The following GLG1 variants were observed in gnomAD, a reference collection of about 807,000 sequenced individuals.
GLG1 encodes Golgi apparatus protein 1.
Under a neutral mutation model 160.5 loss-of-function variants are expected in GLG1, and 38 were observed. That is an observed-to-expected ratio of 0.24 (90% CI 0.18 to 0.31). The LOEUF is 0.31. Among genes scored for constraint, GLG1 ranks in the 10% least tolerant of loss-of-function variants. The pLI, the probability that GLG1 is intolerant of heterozygous loss-of-function variation, is 1.00. For synonymous variants in GLG1, 644 were observed against 543.4 expected, an observed-to-expected ratio of 1.19 and a Z score of -2.57; for missense variants, 1,373 against 1,505.2, an observed-to-expected ratio of 0.91 and a Z score of 1.45.
chr16:74,515,902 G>C (rs1387051617), intron 2 of GLG1, among the ~76,000 whole-genome samples: 1 of 104,216 alleles, frequency 9.6e-6, no homozygotes, highest in Non-Finnish European at 1.9e-5. Flanking sequence ...TGCAATCCTA[G>C]TCTCTGATAA....
intron 11 of GLG1, among the ~76,000 whole-genome samples, chr16:74,479,051 CAAAAAAAA>C (rs34125450): frequency 5.1e-4 from 9 of 17,578 alleles, no homozygotes; most frequent in East Asian, 1.5e-3. Context: ...ATTAAAAATC[CAAAAAAAA>C]AAAAAAAAAA....
At chr16:74,574,576 T>G (rs2018931531) in intron 1 of GLG1, among the ~76,000 whole-genome samples, 1 of 151,564 alleles carries the variant, frequency 6.6e-6, no homozygotes, top group African/African-American at 2.4e-5. Flanking sequence ...GGCAACAAAA[T>G]CAAAATAAAA....
intron 1 of GLG1, among the ~76,000 whole-genome samples, chr16:74,542,778 G>GA (rs1172716623): frequency 3.4e-5 from 5 of 147,410 alleles, no homozygotes; most frequent in East Asian, 2.0e-4. Context: ...AGGAAGGAAG[G>GA]AAGGAAGGAA....
intron 11 of GLG1, among the ~76,000 whole-genome samples, chr16:74,478,894 C>CA (rs370595276): frequency 3.6e-4 from 29 of 80,212 alleles, no homozygotes; most frequent in Admixed American, 1.9e-3. Context: ...AACTCCGTCT[C>CA]AAAAAAAAAA....
At chr16:74,495,506 G>A (rs1254840483) in intron 5 of GLG1, among the ~76,000 whole-genome samples, 2 of 152,184 alleles carry the variant, frequency 1.3e-5, no homozygotes, top group East Asian at 1.9e-4. Flanking sequence ...CAAACCAGCA[G>A]GCAGAGTGGA....
chr16:74,518,190 TAA>T (rs748129680), intron 2 of GLG1, among the ~76,000 whole-genome samples: 6 of 151,964 alleles, frequency 3.9e-5, no homozygotes, highest in Non-Finnish European at 8.8e-5. Context: ...ACAGAATTGG[TAA>T]AAACGACTTT....
intron 10 of GLG1, among the ~76,000 whole-genome samples, chr16:74,482,758 G>C (rs1186860941): frequency 6.6e-6 from 1 of 152,176 alleles, no homozygotes; most frequent in Non-Finnish European, 1.5e-5. Flanking sequence ...ACAGATCTTT[G>C]TAGTATCAGA....
intron 1 of GLG1, among the ~76,000 whole-genome samples, chr16:74,592,981 T>A (rs1958218426): frequency 6.6e-6 from 1 of 151,732 alleles, no homozygotes; most frequent in South Asian, 2.1e-4. Flanking sequence ...ATCCTGGGAG[T>A]GGGGTTCTGA....
chr16:74,580,816 A>T (rs1478878446), intron 1 of GLG1, among the ~76,000 whole-genome samples: 1 of 152,192 alleles, frequency 6.6e-6, no homozygotes, highest in Non-Finnish European at 1.5e-5. Flanking sequence ...CAACAACAAA[A>T]TACAAACAGC....
chr16:74,452,911 A>T lies in GLG1; in HGVS notation c.*256T>A. The T allele has an allele frequency of 3.4e-6, 4 of 1,180,570 alleles. No homozygotes were observed. Among genetic ancestry groups the T allele is most frequent in the Non-Finnish European group, 4.2e-6 (4 of 954,610 alleles). The allele number at this position is 1,180,570 out of a possible 1,614,324, so 73.1% of individuals were successfully genotyped here. On this transcript the variant is annotated 3_prime_UTR_variant, in exon 26 of 26. Transcript: ENST00000422840. ...CTGTTGGTATGAGAGAGACTTGTCT[A>T]CAGGCAGGTAAACCCAAGTTTGCCA...
chr16:74,588,791 C>G (rs1305822577), intron 1 of GLG1, among the ~76,000 whole-genome samples: 1 of 152,026 alleles, frequency 6.6e-6, no homozygotes, highest in East Asian at 1.9e-4. Context: ...TAAAATAAGT[C>G]TCATATCTGT....
chr16:74,490,333 T>G (rs1248931541), intron 8 of GLG1, among the ~76,000 whole-genome samples: 13 of 152,194 alleles, frequency 8.5e-5, no homozygotes, highest in Admixed American at 8.5e-4. Context: ...CTGTGAGGTT[T>G]AGTGATAGAA....
chr16:74,454,536 C>T (rs989981966), intron 25 of GLG1, among the ~76,000 whole-genome samples: 5 of 151,102 alleles, frequency 3.3e-5, no homozygotes, highest in Non-Finnish European at 7.4e-5. Flanking sequence ...CGTGGTGGCG[C>T]TCGCCTGCAA....
Position 74,449,556 on chromosome 16 carries a change from C to G in GLG1, c.*3611G>C, listed in dbSNP as rs935869396. ...GAAATCTGACAGTAACTTTCTGTAG[C>G]ATCTTCAGGGAAAGCTGTCTCTTCA... On this transcript the variant is annotated 3_prime_UTR_variant, in exon 26 of 26. Coordinates refer to ENST00000422840, the MANE Select transcript of GLG1 (RefSeq NM_001145667.2). The G allele has an allele frequency of 1.3e-5, 2 of 152,194 alleles. No individual in the cohort carries two copies. The highest frequency in any genetic ancestry group is 2.4e-5 in the African/African-American group (1 of 41,436). The allele number at this position is 152,194 out of a possible 1,614,324, so 9.4% of individuals were successfully genotyped here. A position where few individuals can be genotyped will look rare whatever the true frequency, so the allele number is the denominator to read the frequency against.
intron 2 of GLG1, among the ~76,000 whole-genome samples, chr16:74,521,705 C>T (rs1267715061): frequency 6.6e-6 from 1 of 152,132 alleles, no homozygotes; most frequent in Non-Finnish European, 1.5e-5. Flanking sequence ...ATGGAAAGGT[C>T]TGGGCTGAAA....
In GLG1 at chr16:74,600,748, A is replaced by C. The variant is rs56341861; in HGVS notation, c.438+5909T>G. Among the ~76,000 whole-genome samples the C allele has an allele frequency of 7.2e-3, 797 of 110,950 alleles. 2 individuals carry two copies. Among genetic ancestry groups the C allele is most frequent in the Middle Eastern group, 0.031 (7 of 226 alleles). The allele number at this position is 110,950 out of a possible 152,430, so 72.8% of individuals were successfully genotyped here. A position where few individuals can be genotyped will look rare whatever the true frequency, so the allele number is the denominator to read the frequency against. ...TTCCACCTCAAAAAAAAAAAAAAAAAAAAAAACAAAAAAAAACAGTGACAG... is the reference window on the plus strand; with the variant it reads ...TTCCACCTCAAAAAAAAAAAAAAAACAAAAAACAAAAAAAAACAGTGACAG... On this transcript the variant is annotated intron_variant, in intron 1 of 25. Transcript: ENST00000422840.
At chr16:74,525,879 G>A (rs2143577959) in intron 2 of GLG1, among the ~76,000 whole-genome samples, 1 of 152,168 alleles carries the variant, frequency 6.6e-6, no homozygotes, top group South Asian at 2.1e-4. Context: ...TATCTGGTCA[G>A]GCGCAGTGGC....
At chr16:74,597,415 A>AGT (rs1958330905) in intron 1 of GLG1, among the ~76,000 whole-genome samples, 1 of 146,754 alleles carries the variant, frequency 6.8e-6, no homozygotes, top group Non-Finnish European at 1.5e-5. Context: ...TGGATGACAG[A>AGT]GTGAGACTCC....
chr16:74,477,354 A>T, intron 12 of GLG1, 42 bp downstream of exon 12: 1 of 1,468,716 alleles, frequency 6.8e-7, no homozygotes, highest in Non-Finnish European at 9.5e-7. Flanking sequence ...AAACATTAAC[A>T]TCATCATTAT....
Sources: allele counts gnomAD v4.1 joint callset (sites outside exome capture counted in the v4.1 genomes callset), GRCh38; gene constraint gnomAD v4.1.1; transcripts MANE v1.5; gene names NCBI Gene and HGNC (gene_info 2026-07-23, HGNC 2026-07-21).